The following SERPIND1 variants were observed in gnomAD, a reference collection of about 807,000 sequenced individuals.
SERPIND1 encodes the protein heparin cofactor 2.
Under a neutral mutation model 35.0 loss-of-function variants are expected in SERPIND1, and 34 were observed. That is an observed-to-expected ratio of 0.97 (90% CI 0.74 to 1.29). The LOEUF is 1.29. Ranked by LOEUF, SERPIND1 falls within the 50% of genes most tolerant of loss-of-function variation. The pLI is 0.00. For missense variants in SERPIND1, 633 were observed against 637.7 expected (o/e 0.99, Z 0.08); for synonymous variants, 236 against 241.1 (o/e 0.98, Z 0.19).
rs1933622967 is a variant in SERPIND1 at position 20,779,839 on chromosome 22, A to T, written c.527A>T (p.Gln176Leu). Residue 176 changes from glutamine to leucine, a missense_variant, in exon 2 of 5, where the codon CAA becomes CTA. Gln to Leu is a moderately radical substitution (Grantham distance 113). Transcript: ENST00000215727. ...GGTCTGAAGGGAGAGACCCATGAAC[A>T]AGTGCACTCGATTTTGCATTTTAAA... ...SLGLKGETHEQVHSILHFKDF... is the reference protein window; with the variant it reads ...SLGLKGETHELVHSILHFKDF... 6.2e-7 allele frequency: 1 copy of T among 1,614,106 alleles called. No individual in the cohort carries two copies. The highest frequency in any genetic ancestry group is 8.5e-7 in the Non-Finnish European group (1 of 1,180,052).
chr22:20,783,120 C>T (rs1933926965), intron 2 of SERPIND1, among the ~76,000 whole-genome samples: 1 of 152,248 alleles, frequency 6.6e-6, no homozygotes, highest in Non-Finnish European at 1.5e-5. Context: ...ATGGCCAGTT[C>T]TCAACTACTA....
chr22:20,776,261 T>C (rs165866), intron 1 of SERPIND1, among the ~76,000 whole-genome samples: 74,046 of 151,918 alleles, frequency 0.49, 18,562 homozygotes, highest in African/African-American at 0.59. Context: ...GAGGAACAGG[T>C]GGCAGTGAAC....
intron 4 of SERPIND1, among the ~76,000 whole-genome samples, chr22:20,786,362 GA>G (rs1419652363): frequency 6.6e-6 from 1 of 152,134 alleles, no homozygotes; most frequent in Non-Finnish European, 1.5e-5. Flanking sequence ...GGGCAGGGGG[GA>G]TCCCAAGAGC....
chr22:20,785,980 GC>G, intron 3 of SERPIND1, 23 bp from the exon 4 acceptor site: 5 of 1,614,076 alleles, frequency 3.1e-6, no homozygotes, highest in Non-Finnish European at 4.2e-6. Context: ...ATAAAACTGG[GC>G]CCCCCTTTCC....
rs1379321511 is a variant in SERPIND1 at position 20,780,080 on chromosome 22, T to C, written c.768T>C (p.Pro256=). Residue 256 remains proline, a synonymous_variant, in exon 2 of 5, where the codon CCT becomes CCC. Coordinates refer to ENST00000215727, the MANE Select transcript of SERPIND1 (RefSeq NM_000185.4). The part of the protein sequence containing the change: ...AEAQIADFSD[P]AFISKTNNHI... Reference sequence around the variant, plus strand: ...CCCAGATAGCTGACTTCTCAGACCCTGCCTTCATATCAAAAACCAACAACC... The same window carrying C: ...CCCAGATAGCTGACTTCTCAGACCCCGCCTTCATATCAAAAACCAACAACC... The C allele has an allele frequency of 1.2e-6, 2 of 1,614,044 alleles. No individual in the cohort carries two copies. The highest frequency in any genetic ancestry group is 2.7e-5 in the African/African-American group (2 of 74,922).
chr22:20,779,990 C>A lies in SERPIND1; in HGVS notation c.678C>A (p.Ile226=), dbSNP rs763757824. 1 of 1,614,136 alleles carries A rather than the reference C, an allele frequency of 6.2e-7. No homozygotes were observed. Among genetic ancestry groups the A allele is most frequent in the Non-Finnish European group, 8.5e-7 (1 of 1,180,036 alleles). Residue 226 remains isoleucine, a synonymous_variant, in exon 2 of 5, where the codon ATC becomes ATA. Coordinates refer to ENST00000215727, the MANE Select transcript of SERPIND1 (RefSeq NM_000185.4). ...YTLRSVNDLY[I]QKQFPILLDF... ...TGCGGTCAGTCAATGACCTTTATAT[C>A]CAGAAGCAGTTTCCAATCCTGCTTG...
In SERPIND1 at chr22:20,787,011, A is replaced by G; in HGVS notation, c.1445A>G (p.His482Arg). Residue 482 changes from histidine (H) to arginine (R), a missense_variant, in exon 5 of 5, where the codon CAT (histidine) becomes CGT (arginine). Coordinates refer to ENST00000215727, the MANE Select transcript of SERPIND1 (RefSeq NM_000185.4). The part of the protein sequence containing the change: ...DRPFLFLIYE[H>R]RTSCLLFMGR... The stretch of plus-strand genomic sequence containing the variant: ...CCCTTTCTTTTCCTCATCTACGAGC[A>G]TCGCACCAGCTGCCTGCTCTTCATG... 2 of 1,614,128 alleles carry G rather than the reference A, an allele frequency of 1.2e-6. No homozygotes were observed. Among genetic ancestry groups the G allele is most frequent in the Non-Finnish European group, 1.7e-6 (2 of 1,180,036 alleles).
chr22:20,784,320 AT>A, intron 3 of SERPIND1, 75 bp downstream of exon 3: 2 of 1,595,152 alleles, frequency 1.3e-6, no homozygotes, highest in South Asian at 2.2e-5. Flanking sequence ...AAAATGGATC[AT>A]TTTTTTAAAA....
chr22:20,781,009 T>G (rs146890521), intron 2 of SERPIND1, among the ~76,000 whole-genome samples: 85 of 152,308 alleles, frequency 5.6e-4, no homozygotes, highest in African/African-American at 1.9e-3. Flanking sequence ...CTGTGAACTA[T>G]TCAGCTTGAG....
At position 20,779,974 on chromosome 22, in the gene SERPIND1, T is replaced by C. The variant is rs1428263296; in HGVS notation, c.662T>C (p.Val221Ala). Residue 221 changes from valine to alanine, a missense_variant, in exon 2 of 5, where the codon GTC becomes GCC. Physicochemically the swap from Val to Ala is moderately conservative, Grantham distance 64. Coordinates refer to ENST00000215727, the MANE Select transcript of SERPIND1 (RefSeq NM_000185.4). ...AATTTTGGGTACACACTGCGGTCAG[T>C]CAATGACCTTTATATCCAGAAGCAG... ...RRNFGYTLRS[V>A]NDLYIQKQFP... 4.3e-6 allele frequency: 7 copies of C among 1,614,188 alleles called. No individual in the cohort carries two copies. The highest frequency in any genetic ancestry group is 5.9e-6 in the Non-Finnish European group (7 of 1,180,046).
intron 3 of SERPIND1, 57 bp from the exon 4 acceptor site, chr22:20,785,946 GA>G: frequency 1.3e-6 from 1 of 771,648 alleles, no homozygotes; most frequent in Non-Finnish European, 2.0e-6. Flanking sequence ...GGAAAATCAT[GA>G]TTCTTTTGTA....
In SERPIND1 at chr22:20,787,180, GA is replaced by G. The variant is rs1934315201; in HGVS notation, c.*116del. The G allele has an allele frequency of 1.0e-5, 10 of 966,820 alleles. No homozygotes were observed. In the South Asian group the frequency reaches 1.3e-4, roughly 13 times the overall value. 59.9% of individuals were successfully genotyped at this position (966,820 alleles called of 1,614,324 possible). On this transcript the variant is annotated 3_prime_UTR_variant, in exon 5 of 5. Coordinates refer to ENST00000215727, the MANE Select transcript of SERPIND1 (RefSeq NM_000185.4). ...TTTACGTAGTTTACGCTACCAATCT[GA>G]ATTCGAGGCCCATATGAGAGGAGCT...
At chr22:20,785,788 T>C (rs4387909) in intron 3 of SERPIND1, among the ~76,000 whole-genome samples, 4,522 of 152,234 alleles carry the variant, frequency 0.03, 87 homozygotes, top group Middle Eastern at 0.061. Context: ...AAGGAAATAA[T>C]CATGCAACAG....
chr22:20,779,268 C>A (rs932513813), intron 1 of SERPIND1, 29 bp from the exon 2 acceptor site: 5 of 1,613,062 alleles, frequency 3.1e-6, no homozygotes, highest in Non-Finnish European at 4.2e-6. Context: ...GCCAGGCCGC[C>A]TTTCACTGTG....
At chr22:20,780,280 C>G in intron 2 of SERPIND1, 79 bp downstream of exon 2, 2 of 1,592,182 alleles carry the variant, frequency 1.3e-6, no homozygotes, top group Non-Finnish European at 1.7e-6. Context: ...ATGCCAAGAA[C>G]TGTACTGTAG....
In SERPIND1 at chr22:20,774,621, C is replaced by T. The variant is rs373141180; in HGVS notation, c.-17+476C>T. On this transcript the variant is annotated intron_variant, in intron 1 of 4. Transcript: ENST00000215727. ...ACTAAAAATACAAAAATTAGCTGGG[C>T]GTGGTGGCACGCGCCTGTAATCCCA... 4.9e-4 allele frequency among the ~76,000 whole-genome samples: 75 copies of T among 152,018 alleles called. No homozygotes were observed. The East Asian group carries it at 0.011, about 23-fold the overall frequency.
chr22:20,780,145 T>C lies in SERPIND1; in HGVS notation c.833T>C (p.Leu278Pro). 6.2e-7 allele frequency: 1 copy of C among 1,614,232 alleles called. No individual in the cohort carries two copies. Among genetic ancestry groups the C allele is most frequent in the Non-Finnish European group, 8.5e-7 (1 of 1,180,040 alleles). Residue 278 changes from leucine (L) to proline (P), a missense_variant, in exon 2 of 5, where the codon CTG becomes CCG. By Grantham distance (98) the Leu-to-Pro change is moderately conservative. Transcript: ENST00000215727. ...KLTKGLIKDA[L>P]ENIDPATQMM... Reference sequence around the variant, plus strand: ...ACCAAGGGCCTCATAAAAGATGCTCTGGAGAATATAGACCCTGCTACCCAG... The same window carrying C: ...ACCAAGGGCCTCATAAAAGATGCTCCGGAGAATATAGACCCTGCTACCCAG...
chr22:20,778,826 C>T (rs1303712665), intron 1 of SERPIND1, among the ~76,000 whole-genome samples: 1 of 152,144 alleles, frequency 6.6e-6, no homozygotes, highest in African/African-American at 2.4e-5. Flanking sequence ...AGAGCCACAC[C>T]CCTTTCCGTA....
chr22:20,786,145 C>T lies in SERPIND1; in HGVS notation c.1305C>T (p.Asp435=). 1.2e-6 allele frequency: 2 copies of T among 1,614,028 alleles called. No individual in the cohort carries two copies. Among genetic ancestry groups the T allele is most frequent in the Non-Finnish European group, 1.7e-6 (2 of 1,180,004 alleles). ...TCTCAGACCAAAGGATCGCCATCGA[C>T]CTGGTAACCACTCCCTTGTCCACCC... ...AGISDQRIAI[D]LFKHQGTITV... Residue 435 remains aspartate, a synonymous_variant, in exon 4 of 5, where the codon GAC becomes GAT. Transcript: ENST00000215727.
Sources: gnomAD v4.1 joint callset for allele counts (sites outside exome capture counted in the v4.1 genomes callset) on GRCh38, gnomAD v4.1.1 for gene constraint, MANE v1.5 for transcripts, NCBI Gene and HGNC (gene_info 2026-07-23, HGNC 2026-07-21) for gene names.